DENND4A: variants seen among roughly 807,000 people sequenced by gnomAD.
DENND4A encodes C-myc promoter-binding protein.
In DENND4A, 70 loss-of-function variants were observed where a neutral mutation model predicts 199.3. The ratio of observed to expected loss-of-function variants is 0.35; its 90% CI spans 0.29 to 0.43. DENND4A has a LOEUF of 0.43. Ranked by LOEUF, DENND4A falls within the 20% of genes least tolerant of loss-of-function variation. The probability of loss-of-function intolerance (pLI) is 1.00; values close to 1 mark genes in which losing one functional copy is unlikely to be tolerated. For synonymous variants in DENND4A, 686 were observed against 766.9 expected, an observed-to-expected ratio of 0.89 and a Z score of 1.74; for missense variants, 1,723 against 2,255.8, an observed-to-expected ratio of 0.76 and a Z score of 4.78.
At position 65,660,145 on chromosome 15, in the gene DENND4A, A is replaced by T. The variant is rs1018664305; in HGVS notation, c.*1706T>A. 1.6e-6 allele frequency: 1 copy of T among 617,732 alleles called. No homozygotes were observed. The highest frequency in any genetic ancestry group is 2.8e-5 in the East Asian group (1 of 35,922). The allele number at this position is 617,732 out of a possible 1,614,324, so 38.3% of individuals were successfully genotyped here. A position where few individuals can be genotyped will look rare whatever the true frequency, so the allele number is the denominator to read the frequency against. On this transcript the variant is annotated 3_prime_UTR_variant, in exon 33 of 33. Coordinates refer to ENST00000443035, the MANE Select transcript of DENND4A (RefSeq NM_001320835.1). Reference sequence around the variant, plus strand: ...ACATGAAGCTTGGATCTGAATAGTAAAGAATAATATTGGAGTGGTATTTAC... The same window carrying T: ...ACATGAAGCTTGGATCTGAATAGTATAGAATAATATTGGAGTGGTATTTAC...
chr15:65,702,965 G>T lies in DENND4A; in HGVS notation c.2131C>A (p.Pro711Thr). The stretch of plus-strand genomic sequence containing the variant: ...TTCTTTGCTTGTAGAAATCCTTCAG[G>T]TCTTTCAAATAAATTGTTCCTAAGA... ...PVLRNNLFER[P>T]EGFLQAKKNK... Residue 711 changes from proline to threonine, a missense_variant, in exon 16 of 33, where the codon CCT (proline) becomes ACT (threonine). Around this residue, in one of 6 missense-constraint regions of DENND4A, gnomAD observed 725 missense variants for 952.9 expected, o/e 0.76. Coordinates refer to ENST00000443035, the MANE Select transcript of DENND4A (RefSeq NM_001320835.1). The T allele has an allele frequency of 6.2e-7, 1 of 1,612,894 alleles. No homozygotes were observed.
intron 1 of DENND4A, among the ~76,000 whole-genome samples, chr15:65,770,021 A>G (rs2077090694): frequency 6.6e-6 from 1 of 152,090 alleles, no homozygotes; most frequent in Admixed American, 6.6e-5. Context: ...CAATTACTCA[A>G]TGGTGAATAG....
At position 65,660,602 on chromosome 15, in the gene DENND4A, T is replaced by TAG. The variant is rs2075819974; in HGVS notation, c.*1248_*1249insCT. 3.3e-6 allele frequency: 1 copy of TAG among 303,354 alleles called. No individual in the cohort carries two copies. Among genetic ancestry groups the TAG allele is most frequent in the African/African-American group, 2.2e-5 (1 of 45,414 alleles). 18.8% of individuals were successfully genotyped at this position (303,354 alleles called of 1,614,324 possible). A position where few individuals can be genotyped will look rare whatever the true frequency, so the allele number is the denominator to read the frequency against. On this transcript the variant is annotated 3_prime_UTR_variant, in exon 33 of 33. Transcript: ENST00000443035. ...AAAGAAAGTTACATTAGAAATAATA[T>TAG]GACTAAAAATATATTTTTAAAGCTA... is the stretch of plus-strand genomic sequence containing the variant.
chr15:65,783,486 A>G (rs536610364), intron 1 of DENND4A, among the ~76,000 whole-genome samples: 1 of 152,370 alleles, frequency 6.6e-6, no homozygotes, highest in South Asian at 2.1e-4. Flanking sequence ...CCAGGTCTAT[A>G]CACTGAAAAG....
chr15:65,702,422 C>T lies in DENND4A; in HGVS notation c.2313G>A (p.Leu771=), dbSNP rs774198270. 4 of 1,586,028 alleles carry T rather than the reference C, an allele frequency of 2.5e-6. No homozygotes were observed. The highest frequency in any genetic ancestry group is 1.3e-5 in the African/African-American group (1 of 74,224). Residue 771 remains leucine, a synonymous_variant, in exon 17 of 33, where the codon CTG becomes CTA. Transcript: ENST00000443035. ...SRCLLRHCYG[L]WFICLPAYVK... ...CATAAGCTGGGAGACAAATAAACCA[C>T]AGTCCATAACAGTGGCGCAGTAGAC...
intron 4 of DENND4A, 92 bp from the exon 5 acceptor site, chr15:65,741,876 C>T: frequency 1.1e-6 from 1 of 934,918 alleles, no homozygotes; most frequent in Non-Finnish European, 1.6e-6. Flanking sequence ...TATGTATTAT[C>T]TAATATGTAG....
At position 65,690,561 on chromosome 15, in the gene DENND4A, G is replaced by A. The variant is rs201142419; in HGVS notation, c.4033C>T (p.His1345Tyr). The change falls in exon 23 of 33, where the codon CAC becomes TAC. Residue 1345 changes from histidine (H) to tyrosine (Y), a missense_variant. By Grantham distance (83) the His-to-Tyr change is moderately conservative. Transcript: ENST00000443035. Reference sequence around the variant, plus strand: ...TCTAAGTTAAATGAAGGTGATGAGTGGGTTAATGTATCCTGAGATTCTTCC... The same window carrying A: ...TCTAAGTTAAATGAAGGTGATGAGTAGGTTAATGTATCCTGAGATTCTTCC... Reference protein sequence around the residue: ...FREESQDTLTHSSPSFNLDTL... With the variant: ...FREESQDTLTYSSPSFNLDTL... The A allele has an allele frequency of 2.4e-3, 3,845 of 1,613,630 alleles. 5 individuals are homozygous for A. The highest frequency in any genetic ancestry group is 2.9e-3 in the Non-Finnish European group (3,411 of 1,179,684).
At chr15:65,708,518 T>C (rs1383485503) in intron 14 of DENND4A, among the ~76,000 whole-genome samples, 1 of 152,138 alleles carries the variant, frequency 6.6e-6, no homozygotes, top group African/African-American at 2.4e-5. Flanking sequence ...TCCTTCTACT[T>C]ATATACCAAT....
chr15:65,739,473 A>C (rs1214811604), intron 5 of DENND4A, among the ~76,000 whole-genome samples: 1 of 152,216 alleles, frequency 6.6e-6, no homozygotes, highest in Non-Finnish European at 1.5e-5. Context: ...TAATGTTTAC[A>C]TTAGGAAAAC....
At chr15:65,772,193 T>C (rs2077152415) in intron 1 of DENND4A, 1 of 647,562 alleles carries the variant, frequency 1.5e-6, no homozygotes, top group African/African-American at 1.8e-5. Context: ...CCATTATCAC[T>C]TCAATGTTTG....
chr15:65,780,191 C>T (rs886476712), intron 1 of DENND4A, among the ~76,000 whole-genome samples: 3 of 152,134 alleles, frequency 2.0e-5, no homozygotes, highest in African/African-American at 7.2e-5. Flanking sequence ...TGTGCACCAC[C>T]CCGCTAGGCC....
In DENND4A at chr15:65,667,440, G is replaced by A. The variant is rs761260072; in HGVS notation, c.5241+9C>T. On this transcript the variant is annotated intron_variant, in intron 29 of 32. Coordinates refer to ENST00000443035, the MANE Select transcript of DENND4A (RefSeq NM_001320835.1). ...AGCATTCATTGCCTTTTAATTTTTA[G>A]TCTCATACCTTTGAATACTTGTTAC... is the stretch of plus-strand genomic sequence containing the variant. 4 of 1,612,470 alleles carry A rather than the reference G, an allele frequency of 2.5e-6. No individual in the cohort carries two copies. Among genetic ancestry groups the A allele is most frequent in the Non-Finnish European group, 2.5e-6 (3 of 1,179,192 alleles).
chr15:65,770,521 CTAAA>C (rs1217432119), intron 1 of DENND4A, among the ~76,000 whole-genome samples: 11 of 151,978 alleles, frequency 7.2e-5, no homozygotes. Context: ...ATTCATAAAA[CTAAA>C]TAGCAAAATG....
chr15:65,714,235 C>T (rs2075327908), intron 14 of DENND4A, among the ~76,000 whole-genome samples: 1 of 151,920 alleles, frequency 6.6e-6, no homozygotes, highest in Non-Finnish European at 1.5e-5. Context: ...CACAGTGAAA[C>T]CCCATCTCTA....
intron 1 of DENND4A, chr15:65,771,264 G>T: frequency 6.3e-7 from 1 of 1,587,580 alleles, no homozygotes; most frequent in Non-Finnish European, 8.6e-7. Flanking sequence ...CGATCACCAC[G>T]GTATACTTTT....
chr15:65,746,319 T>A (rs1275060076), intron 4 of DENND4A, among the ~76,000 whole-genome samples: 2 of 150,172 alleles, frequency 1.3e-5, no homozygotes, highest in African/African-American at 4.9e-5. Context: ...TCCCCCAGAA[T>A]TAGGTACATG....
chr15:65,701,646 G>C, intron 18 of DENND4A, 116 bp downstream of exon 18: 1 of 923,920 alleles, frequency 1.1e-6, no homozygotes, highest in Non-Finnish European at 1.6e-6. Context: ...TTGACAAAAT[G>C]TATTTTATAT....
chr15:65,712,343 T>C (rs2075275692), intron 14 of DENND4A, among the ~76,000 whole-genome samples: 1 of 152,232 alleles, frequency 6.6e-6, no homozygotes, highest in Non-Finnish European at 1.5e-5. Flanking sequence ...CATTAATCTA[T>C]AAACGTGAAT....
In DENND4A at chr15:65,771,585, C is replaced by T. The variant is rs2077127314; in HGVS notation, c.-101-10147G>A. ...ATAAACACAGAAAAACCTCCATCTC[C>T]TCTTTCCTCTTCTCTTTCATGTCCA... is the stretch of plus-strand genomic sequence containing the variant. On this transcript the variant is annotated intron_variant, in intron 1 of 32. Transcript: ENST00000443035. 6 of 1,612,914 alleles carry T rather than the reference C, an allele frequency of 3.7e-6. No homozygotes were observed. In the Admixed American group the frequency reaches 5.0e-5, roughly 13 times the overall value.
Sources: allele counts gnomAD v4.1 joint callset (sites outside exome capture counted in the v4.1 genomes callset), GRCh38; gene constraint gnomAD v4.1.1; regional missense constraint gnomAD v4.1.1; transcripts MANE v1.5; gene names NCBI Gene and HGNC (gene_info 2026-07-23, HGNC 2026-07-21).